EYA1: variants seen among roughly 807,000 people sequenced by gnomAD.
EYA1 encodes the protein protein phosphatase EYA1.
A neutral mutation model predicts 82.0 loss-of-function variants in EYA1; 16 were observed. That is an observed-to-expected ratio of 0.20 (90% confidence interval 0.13 to 0.30). EYA1 has a LOEUF of 0.30. Ranked by LOEUF, EYA1 falls within the 10% of genes least tolerant of loss-of-function variation. The pLI, the probability that EYA1 is intolerant of heterozygous loss-of-function variation, is 1.00. For synonymous variants in EYA1, 261 were observed against 264.4 expected (o/e 0.99, Z 0.12); for missense variants, 633 against 730.7 (o/e 0.87, Z 1.54).
At chr8:71,293,861 T>C (rs1321524252) in intron 9 of EYA1, among the ~76,000 whole-genome samples, 1 of 150,564 alleles carries the variant, frequency 6.6e-6, no homozygotes, top group African/African-American at 2.4e-5. Context: ...AGATGTTTCC[T>C]TTCTAAGATA....
intron 3 of EYA1, among the ~76,000 whole-genome samples, chr8:71,347,180 G>A (rs1350237266): frequency 1.3e-5 from 2 of 152,220 alleles, no homozygotes; most frequent in East Asian, 1.9e-4. Flanking sequence ...GTTTTAAAGT[G>A]TAAAGAATGT....
intron 2 of EYA1, among the ~76,000 whole-genome samples, chr8:71,431,361 C>A (rs1252809700): frequency 6.6e-6 from 1 of 152,116 alleles, no homozygotes; most frequent in Non-Finnish European, 1.5e-5. Flanking sequence ...ACAATACTTT[C>A]TTTTGCTTTC....
chr8:71,533,853 G>T (rs1176956078), intron 2 of EYA1, among the ~76,000 whole-genome samples: 1 of 152,110 alleles, frequency 6.6e-6, no homozygotes, highest in Non-Finnish European at 1.5e-5. Context: ...CCCCTTCCTT[G>T]TTCTGTACCT....
At chr8:71,366,039 C>T (rs566375026), upstream of EYA1, among the ~76,000 whole-genome samples, 27 of 152,150 alleles carry the variant, frequency 1.8e-4, no homozygotes, top group South Asian at 3.7e-3. Context: ...AAAATAGAAC[C>T]TATTTCCTGA....
intron 17 of EYA1, among the ~76,000 whole-genome samples, chr8:71,199,650 A>G (rs1313656241): frequency 8.1e-6 from 1 of 123,780 alleles, no homozygotes; most frequent in African/African-American, 3.0e-5. Context: ...GAAGAAGGGG[A>G]TGGATATTTC....
chr8:71,381,550 T>C (rs1346205300), intron 2 of EYA1, among the ~76,000 whole-genome samples: 2 of 152,208 alleles, frequency 1.3e-5, no homozygotes, highest in South Asian at 2.1e-4. Context: ...CCTGAAGATT[T>C]TGGCTTTTTG....
intron 12 of EYA1, among the ~76,000 whole-genome samples, chr8:71,229,320 T>G (rs1337272347): frequency 6.6e-6 from 1 of 152,120 alleles, no homozygotes; most frequent in Non-Finnish European, 1.5e-5. Flanking sequence ...TAACTACCAT[T>G]ATTGACAGAC....
At chr8:71,344,282 T>G (rs1010616401) in intron 3 of EYA1, among the ~76,000 whole-genome samples, 13 of 152,082 alleles carry the variant, frequency 8.5e-5, no homozygotes, top group African/African-American at 3.1e-4. Flanking sequence ...CACAACAGTA[T>G]GAAAAGATTG....
chr8:71,280,726 GA>G (rs1817719020), intron 9 of EYA1, among the ~76,000 whole-genome samples: 3 of 152,148 alleles, frequency 2.0e-5, no homozygotes, highest in Admixed American at 2.0e-4. Flanking sequence ...GATAAAAGGA[GA>G]ACAATGTTGG....
intron 2 of EYA1, among the ~76,000 whole-genome samples, chr8:71,429,250 A>G (rs1805460037): frequency 6.6e-6 from 1 of 152,230 alleles, no homozygotes; most frequent in African/African-American, 2.4e-5. Context: ...TTACAGATTT[A>G]TAGTGCAGAC....
intron 2 of EYA1, chr8:71,535,715 T>C: frequency 6.7e-7 from 1 of 1,481,896 alleles, no homozygotes; most frequent in Non-Finnish European, 9.0e-7. Flanking sequence ...AATAATTCTT[T>C]CCTTAGGACT....
chr8:71,209,498 T>C (rs1035504853), intron 17 of EYA1, among the ~76,000 whole-genome samples: 12 of 152,316 alleles, frequency 7.9e-5, no homozygotes, highest in Admixed American at 3.3e-4. Context: ...TCTGTATTTA[T>C]GGGTATTCAT....
intron 2 of EYA1, among the ~76,000 whole-genome samples, chr8:71,446,627 T>C (rs2129175214): frequency 6.6e-6 from 1 of 152,344 alleles, no homozygotes; most frequent in Admixed American, 6.5e-5. Context: ...CAAATTTCAA[T>C]AAGAAGACAA....
At chr8:71,471,044 T>C (rs1809163544) in intron 2 of EYA1, 1 of 390,134 alleles carries the variant, frequency 2.6e-6, no homozygotes, top group African/African-American at 2.1e-5. Context: ...CTTGAGACAT[T>C]AGTAGTTCTT....
intron 11 of EYA1, among the ~76,000 whole-genome samples, chr8:71,251,372 C>A (rs6983740): frequency 1.3e-5 from 2 of 152,186 alleles, no homozygotes; most frequent in African/African-American, 4.8e-5. Flanking sequence ...TGGAAGCCTT[C>A]TTAAGTTGTT....
rs549009487 is a variant in EYA1 at position 71,266,465 on chromosome 8, G to T, written c.1050+3275C>A. On this transcript the variant is annotated intron_variant, in intron 11 of 17. Transcript: ENST00000340726. Reference sequence around the variant, plus strand: ...ATCAACTGTAATGATTTCTAATGAGGAAATCATTAAGTAGACTTCCTTGCA... The same window carrying T: ...ATCAACTGTAATGATTTCTAATGAGTAAATCATTAAGTAGACTTCCTTGCA... Among the ~76,000 whole-genome samples the T allele has an allele frequency of 2.0e-5, 3 of 152,178 alleles. No homozygotes were observed. The South Asian group carries it at 6.2e-4, about 32-fold the overall frequency.
intron 12 of EYA1, among the ~76,000 whole-genome samples, chr8:71,241,082 C>T (rs145654396): frequency 1.4e-4 from 21 of 152,256 alleles, no homozygotes; most frequent in African/African-American, 4.3e-4. Flanking sequence ...ACGTACACTA[C>T]GGAACTAAAG....
At chr8:71,485,736 T>C (rs1810516340) in intron 2 of EYA1, among the ~76,000 whole-genome samples, 1 of 152,204 alleles carries the variant, frequency 6.6e-6, no homozygotes, top group Non-Finnish European at 1.5e-5. Flanking sequence ...TGTAAGTGAC[T>C]AACTCTGCAG....
chr8:71,397,417 T>C (rs537421942), intron 2 of EYA1, among the ~76,000 whole-genome samples: 1 of 152,344 alleles, frequency 6.6e-6, no homozygotes, highest in African/African-American at 2.4e-5. Flanking sequence ...GTTTTTGCAG[T>C]GGCTGGTACT....
Sources: allele counts gnomAD v4.1 joint callset (sites outside exome capture counted in the v4.1 genomes callset), GRCh38; gene constraint gnomAD v4.1.1; transcripts MANE v1.5; gene names NCBI Gene and HGNC (gene_info 2026-07-23, HGNC 2026-07-21).